The following ESRRG variants were observed in gnomAD, a reference collection of about 807,000 sequenced individuals.
The protein encoded by ESRRG is estrogen-related receptor gamma.
Under a neutral mutation model 44.0 loss-of-function variants are expected in ESRRG, and 13 were observed. The ratio of observed to expected loss-of-function variants is 0.30; its 90% CI spans 0.19 to 0.47. The LOEUF (loss-of-function observed/expected upper bound fraction) is 0.47, where lower values mean the gene tolerates loss of function less well. ESRRG is among the 20% of genes least tolerant of loss of function. ESRRG has a pLI of 1.00. For synonymous variants in ESRRG, 215 were observed against 214.6 expected, an observed-to-expected ratio of 1.00 and a Z score of -0.02; for missense variants, 395 against 580.6, an observed-to-expected ratio of 0.68 and a Z score of 3.29.
intron 3 of ESRRG, among the ~76,000 whole-genome samples, chr1:216,644,887 T>C (rs2067220721): frequency 6.6e-6 from 1 of 152,204 alleles, no homozygotes; most frequent in South Asian, 2.1e-4. Flanking sequence ...TATATAAGCC[T>C]GCTCTTCTCC....
At chr1:216,933,028 C>T (rs1361845766) in intron 2 of ESRRG, among the ~76,000 whole-genome samples, 1 of 151,892 alleles carries the variant, frequency 6.6e-6, no homozygotes, top group Non-Finnish European at 1.5e-5. Context: ...TTCTACTTGG[C>T]CAAAGCTTTT....
Position 216,797,457 on chromosome 1 carries a change from C to T in ESRRG, c.-13-119966G>A, listed in dbSNP as rs565665046. Among the ~76,000 whole-genome samples, 15 of 152,150 alleles carry T rather than the reference C, an allele frequency of 9.9e-5. No homozygotes were observed. The East Asian group carries it at 1.4e-3, about 14-fold the overall frequency. On this transcript the variant is annotated intron_variant, in intron 2 of 7. Transcript: ENST00000359162. ...GTTCTGCAGTACCAGGAGTTAGTTC[C>T]GATAGCTACTTCACAGTATACCCAT... is the stretch of plus-strand genomic sequence containing the variant.
At position 216,871,392 on chromosome 1, in the gene ESRRG, A is replaced by G. The variant is rs762576476; in HGVS notation, c.-14+68190T>C. On this transcript the variant is annotated intron_variant, in intron 2 of 7. Coordinates refer to the ESRRG transcript ENST00000359162. ...TTAAACATTGGTTTTATGAACTAGGATATAGTCTATCTTAATGAATGTTCC... is the reference window on the plus strand; with the variant it reads ...TTAAACATTGGTTTTATGAACTAGGGTATAGTCTATCTTAATGAATGTTCC... Among the ~76,000 whole-genome samples the G allele has an allele frequency of 2.0e-5, 3 of 151,918 alleles. No individual in the cohort carries two copies. The South Asian group carries it at 6.2e-4, about 32-fold the overall frequency.
chr1:217,085,044 C>G (rs1274560275), intron 1 of ESRRG, among the ~76,000 whole-genome samples: 4 of 152,152 alleles, frequency 2.6e-5, no homozygotes, highest in Non-Finnish European at 2.9e-5. Context: ...TGAGATTTAT[C>G]CCCAATACAG....
rs191777580 is a variant in ESRRG at position 216,621,715 on chromosome 1, G to A, written c.589+29258C>T. 8.5e-5 allele frequency among the ~76,000 whole-genome samples: 13 copies of A among 152,286 alleles called. No individual in the cohort carries two copies. In the East Asian group the frequency reaches 2.3e-3, roughly 27 times the overall value. On this transcript the variant is annotated intron_variant, in intron 3 of 6. Transcript: ENST00000408911. ...TGCTGTTCAGAACTGCAGACTGATG[G>A]CATATGGGGATTAGTCTATTGCAAC...
At chr1:217,126,500 C>A (rs2092892709) in intron 1 of ESRRG, among the ~76,000 whole-genome samples, 1 of 152,020 alleles carries the variant, frequency 6.6e-6, no homozygotes. Flanking sequence ...ACACTTGGCC[C>A]ATGTTTATGG....
intron 3 of ESRRG, among the ~76,000 whole-genome samples, chr1:216,628,674 C>T (rs2150629175): frequency 6.6e-6 from 1 of 152,318 alleles, no homozygotes; most frequent in African/African-American, 2.4e-5. Flanking sequence ...ACACCATTGG[C>T]TCATTCATTC....
At chr1:217,010,112 A>C (rs2078352610) in intron 1 of ESRRG, among the ~76,000 whole-genome samples, 1 of 152,118 alleles carries the variant, frequency 6.6e-6, no homozygotes, top group Non-Finnish European at 1.5e-5. Flanking sequence ...AAGAGATTTC[A>C]CTGTAGGGGG....
chr1:216,856,850 C>A (rs2095950364), intron 2 of ESRRG, among the ~76,000 whole-genome samples: 1 of 152,134 alleles, frequency 6.6e-6, no homozygotes, highest in Non-Finnish European at 1.5e-5. Flanking sequence ...AAAAAGCCAA[C>A]TCATACATTA....
chr1:216,881,907 G>A (rs2096454028), intron 2 of ESRRG, among the ~76,000 whole-genome samples: 1 of 151,440 alleles, frequency 6.6e-6, no homozygotes, highest in Admixed American at 6.6e-5. Context: ...TGTTTTCAAA[G>A]TACAGAATTC....
At chr1:216,520,478 A>G (rs571680355) in intron 5 of ESRRG, among the ~76,000 whole-genome samples, 2 of 152,292 alleles carry the variant, frequency 1.3e-5, no homozygotes, top group South Asian at 4.1e-4. Context: ...ATGTTGTTCA[A>G]TAGAGAAAGA....
At chr1:216,642,876 G>A (rs1408125127) in intron 3 of ESRRG, among the ~76,000 whole-genome samples, 1 of 146,766 alleles carries the variant, frequency 6.8e-6, no homozygotes, top group Admixed American at 6.8e-5. Flanking sequence ...TACTAAGTAG[G>A]CTCTTTAACT....
At chr1:216,508,191 A>G (rs1158993693) in intron 6 of ESRRG, among the ~76,000 whole-genome samples, 2 of 152,240 alleles carry the variant, frequency 1.3e-5, no homozygotes, top group African/African-American at 4.8e-5. Flanking sequence ...ATGAACAAAA[A>G]GAGAGGGAAT....
At chr1:217,038,636 G>T (rs189914455) in intron 1 of ESRRG, among the ~76,000 whole-genome samples, 43 of 152,318 alleles carry the variant, frequency 2.8e-4, no homozygotes, top group South Asian at 8.3e-4. Flanking sequence ...AGAGCAGGGG[G>T]TTCCCTAGGC....
chr1:216,799,236 G>A (rs759289601), intron 2 of ESRRG, among the ~76,000 whole-genome samples: 10 of 152,046 alleles, frequency 6.6e-5, no homozygotes, highest in Admixed American at 1.3e-4. Flanking sequence ...CAGGAATTCC[G>A]ATAAACATAA....
chr1:216,622,626 A>ACACACACT (rs1452843248), intron 3 of ESRRG, among the ~76,000 whole-genome samples: 3 of 152,042 alleles, frequency 2.0e-5, no homozygotes, highest in Non-Finnish European at 2.9e-5. Flanking sequence ...ACGCACACAC[A>ACACACACT]CACACACACG....
chr1:216,530,577 C>CA (rs2049076762), intron 5 of ESRRG, among the ~76,000 whole-genome samples: 1 of 152,110 alleles, frequency 6.6e-6, no homozygotes, highest in Admixed American at 6.6e-5. Flanking sequence ...ACATTAAGCA[C>CA]AGAATGACAG....
At chr1:216,822,680 A>G (rs1383780487) in intron 2 of ESRRG, among the ~76,000 whole-genome samples, 1 of 152,196 alleles carries the variant, frequency 6.6e-6, no homozygotes, top group Non-Finnish European at 1.5e-5. Context: ...TCATTTGTTT[A>G]TATAAATGGG....
At chr1:216,977,185 T>G (rs976483154) in intron 1 of ESRRG, among the ~76,000 whole-genome samples, 1 of 152,098 alleles carries the variant, frequency 6.6e-6, no homozygotes, top group African/African-American at 2.4e-5. Flanking sequence ...AGCATAAATT[T>G]CCTTTACTGT....
Sources: gnomAD v4.1 joint callset for allele counts (sites outside exome capture counted in the v4.1 genomes callset) on GRCh38, gnomAD v4.1.1 for gene constraint, MANE v1.5 for transcripts, NCBI Gene and HGNC (gene_info 2026-07-23, HGNC 2026-07-21) for gene names.